Variants in NPTN observed in about 807,000 individuals in gnomAD.
The protein encoded by NPTN is SDR-1.
Under a neutral mutation model 42.7 loss-of-function variants are expected in NPTN, and 5 were observed. The ratio of observed to expected loss-of-function variants is 0.12; its 90% CI spans 0.06 to 0.25. The LOEUF is 0.25. NPTN is among the 10% of genes least tolerant of loss of function. The pLI is 1.00. For missense variants in NPTN, 307 were observed against 525.4 expected, an observed-to-expected ratio of 0.58 and a Z score of 4.06; for synonymous variants, 180 against 201.9, an observed-to-expected ratio of 0.89 and a Z score of 0.92.
intron 2 of NPTN, among the ~76,000 whole-genome samples, chr15:73,594,243 GA>G (rs1896729229): frequency 6.6e-6 from 1 of 152,196 alleles, no homozygotes; most frequent in Non-Finnish European, 1.5e-5. Context: ...CTCTGAGAAT[GA>G]GGCCAAGAGC....
At chr15:73,565,685 G>A (rs1367053108) in intron 6 of NPTN, 1 of 453,710 alleles carries the variant, frequency 2.2e-6, no homozygotes, top group Admixed American at 2.4e-5. Flanking sequence ...CAGTATTACA[G>A]CCACTGGCTA....
At chr15:73,615,277 C>T (rs1897809189) in intron 1 of NPTN, among the ~76,000 whole-genome samples, 1 of 151,728 alleles carries the variant, frequency 6.6e-6, no homozygotes, top group African/African-American at 2.4e-5. Context: ...AAAAAGATTA[C>T]TGAGCACATA....
chr15:73,568,214 A>C (rs1200006946), intron 6 of NPTN: 2 of 985,414 alleles, frequency 2.0e-6, no homozygotes, highest in Non-Finnish European at 2.4e-6. Context: ...TAGCAACCTC[A>C]TAAGCGCGGT....
chr15:73,594,064 A>G (rs772736026), intron 2 of NPTN, among the ~76,000 whole-genome samples: 1 of 152,212 alleles, frequency 6.6e-6, no homozygotes, highest in Non-Finnish European at 1.5e-5. Context: ...AGAGAAAAAG[A>G]TAGAACCAGT....
intron 4 of NPTN, among the ~76,000 whole-genome samples, chr15:73,575,341 T>TTAGAG (rs1566962554): frequency 1.3e-5 from 2 of 152,230 alleles, no homozygotes; most frequent in African/African-American, 4.8e-5. Flanking sequence ...GGTCTCGAAC[T>TTAGAG]GCTAACCTCA....
At chr15:73,565,922 C>T (rs1397958303) in intron 6 of NPTN, 2 of 380,478 alleles carry the variant, frequency 5.3e-6, no homozygotes, top group Non-Finnish European at 1.1e-5. Context: ...ACAATATCAC[C>T]TCCAAAAAGA....
At chr15:73,583,294 A>G (rs1168994103) in intron 4 of NPTN, among the ~76,000 whole-genome samples, 2 of 152,208 alleles carry the variant, frequency 1.3e-5, no homozygotes, top group Non-Finnish European at 2.9e-5. Flanking sequence ...TTACATGCTC[A>G]ACAGGGCACC....
rs991485193 is a variant in NPTN at position 73,569,999 on chromosome 15, T to TA, written c.1114+150dup. The TA allele has an allele frequency of 1.7e-4, 118 of 702,426 alleles. No individual in the cohort carries two copies. In the African/African-American group the frequency reaches 2.0e-3, roughly 12 times the overall value. 43.5% of individuals were successfully genotyped at this position (702,426 alleles called of 1,614,324 possible). On this transcript the variant is annotated intron_variant, in intron 6 of 8. Transcript: ENST00000345330. The surrounding 1 kb of genome is among the most constrained non-coding windows in gnomAD (Gnocchi z 4.1). ...ATAAAAAATAAAAATAAAAAACTCT[T>TA]ACGGGTAGGGGGTTAGGAACTGGTA...
At chr15:73,566,986 G>GA (rs1306776824) in intron 6 of NPTN, 2 of 906,222 alleles carry the variant, frequency 2.2e-6, no homozygotes, top group South Asian at 5.3e-5. Context: ...AGTAGGTAAA[G>GA]AAAAAAGACA....
At chr15:73,601,278 C>T (rs16958054) in intron 1 of NPTN, among the ~76,000 whole-genome samples, 4,905 of 151,682 alleles carry the variant, frequency 0.032, 118 homozygotes, top group African/African-American at 0.061. Flanking sequence ...TAGCTGAACA[C>T]TCATCAAAAA....
At chr15:73,617,872 T>C (rs1420299569) in intron 1 of NPTN, among the ~76,000 whole-genome samples, 1 of 152,232 alleles carries the variant, frequency 6.6e-6, no homozygotes, top group South Asian at 2.1e-4. Flanking sequence ...CTACTTTATA[T>C]ACTCTACTGG....
Position 73,621,336 on chromosome 15 carries a change from CA to C in NPTN, c.91+11788del, listed in dbSNP as rs150997360. 3.1e-3 allele frequency among the ~76,000 whole-genome samples: 472 copies of C among 152,254 alleles called. 2 individuals are homozygous for C. The highest frequency in any genetic ancestry group is 0.011 in the African/African-American group (450 of 41,548). ...TTTTAATGATATGCTCATCATTTGT[CA>C]AAAGAGCCAACCTTGAAATAATCTG... On this transcript the variant is annotated intron_variant, in intron 1 of 8. Transcript: ENST00000345330.
chr15:73,613,831 G>A (rs1439063972), intron 1 of NPTN, among the ~76,000 whole-genome samples: 1 of 151,810 alleles, frequency 6.6e-6, no homozygotes, highest in East Asian at 1.9e-4. Context: ...GATTACAGGC[G>A]CCCACCACCA....
chr15:73,622,467 A>G (rs2141472138), intron 1 of NPTN, among the ~76,000 whole-genome samples: 1 of 151,926 alleles, frequency 6.6e-6, no homozygotes, highest in Admixed American at 6.5e-5. Context: ...TAAATTTTTA[A>G]ATATTTTAGG....
intron 1 of NPTN, among the ~76,000 whole-genome samples, chr15:73,600,696 AAATT>A (rs1270343987): frequency 6.6e-6 from 1 of 152,218 alleles, no homozygotes; most frequent in Non-Finnish European, 1.5e-5. Context: ...TTTAATTAAT[AAATT>A]AATTAATAAT....
intron 1 of NPTN, chr15:73,632,904 G>C (rs1170212472): frequency 4.9e-6 from 2 of 410,300 alleles, no homozygotes; most frequent in African/African-American, 4.1e-5. Context: ...AACACCTCGG[G>C]CTCACCCCGG....
chr15:73,596,945 GA>G, intron 2 of NPTN, 76 bp downstream of exon 2: 1 of 1,206,724 alleles, frequency 8.3e-7, no homozygotes, highest in Non-Finnish European at 1.2e-6. Context: ...GGGGAAGAGG[GA>G]AAGGATGCAG....
chr15:73,613,660 C>T (rs543126197), intron 1 of NPTN, among the ~76,000 whole-genome samples: 2 of 152,112 alleles, frequency 1.3e-5, no homozygotes, highest in South Asian at 2.1e-4. Context: ...GAAATGAATA[C>T]GAAGCTACGC....
In NPTN at chr15:73,569,888, T is replaced by G. The variant is rs1294716547; in HGVS notation, c.1114+262A>C. On this transcript the variant is annotated intron_variant, in intron 6 of 8. Coordinates refer to ENST00000345330, the MANE Select transcript of NPTN (RefSeq NM_012428.4). This position sits in a 1 kb window ranked among gnomAD's most constrained non-coding sequence, Gnocchi z 4.1. ...ATGGGGCCTGAAAGGCAGATGGGACTAGGGTTTGGAAAACACCCAAACAGA... is the reference window on the plus strand; with the variant it reads ...ATGGGGCCTGAAAGGCAGATGGGACGAGGGTTTGGAAAACACCCAAACAGA... The G allele has an allele frequency of 1.1e-6, 1 of 879,760 alleles. No homozygotes were observed. The highest frequency in any genetic ancestry group is 1.4e-6 in the Non-Finnish European group (1 of 734,048). The allele number at this position is 879,760 out of a possible 1,614,324, so 54.5% of individuals were successfully genotyped here.
Sources: allele counts gnomAD v4.1 joint callset (sites outside exome capture counted in the v4.1 genomes callset), GRCh38; gene constraint gnomAD v4.1.1; non-coding constraint Gnocchi (gnomAD v3.1); transcripts MANE v1.5; gene names NCBI Gene and HGNC (gene_info 2026-07-23, HGNC 2026-07-21).